BAZ2B: variants seen among roughly 807,000 people sequenced by gnomAD.
The protein encoded by BAZ2B is bromodomain adjacent to zinc finger domain protein 2B.
Under a neutral mutation model 246.0 loss-of-function variants are expected in BAZ2B, and 91 were observed. That is an observed-to-expected ratio of 0.37 (90% confidence interval 0.31 to 0.44). BAZ2B has a LOEUF of 0.44. Ranked by LOEUF, BAZ2B falls within the 20% of genes least tolerant of loss-of-function variation. BAZ2B has a pLI of 1.00. For synonymous variants in BAZ2B, 855 were observed against 860.0 expected (o/e 0.99, Z 0.10); for missense variants, 2,332 against 2,533.7 (o/e 0.92, Z 1.71).
chr2:159,374,977 A>T (rs1394402573), intron 25 of BAZ2B, among the ~76,000 whole-genome samples: 2 of 152,192 alleles, frequency 1.3e-5, no homozygotes, highest in Non-Finnish European at 1.5e-5. Flanking sequence ...GCACTTTAGG[A>T]TGCTGAGGTG....
chr2:159,338,483 C>G (rs980572294), intron 31 of BAZ2B, among the ~76,000 whole-genome samples: 9 of 152,176 alleles, frequency 5.9e-5, no homozygotes, highest in African/African-American at 1.4e-4. Flanking sequence ...TGCTTTTACT[C>G]ATTTATCTCC....
the BAZ2B span, chr2:159,711,852 G>A: frequency 1.3e-5 from 2 of 151,994 alleles, no homozygotes; most frequent in Admixed American, 1.3e-4. Flanking sequence ...AAAATCGATG[G>A]CTACGCTATT....
At chr2:159,324,542 A>C (rs1359016755) in intron 36 of BAZ2B, among the ~76,000 whole-genome samples, 1 of 151,728 alleles carries the variant, frequency 6.6e-6, no homozygotes, top group Non-Finnish European at 1.5e-5. Context: ...TTTCAATGTC[A>C]AAAGCAGGTT....
At chr2:159,457,169 C>T (rs1559491557) in intron 3 of BAZ2B, among the ~76,000 whole-genome samples, 2 of 152,092 alleles carry the variant, frequency 1.3e-5, no homozygotes, top group Non-Finnish European at 2.9e-5. Context: ...TATTAAACAT[C>T]AGGTGCTATG....
chr2:159,510,775 A>AT (rs1323843806), intron 2 of BAZ2B, among the ~76,000 whole-genome samples: 3 of 152,196 alleles, frequency 2.0e-5, no homozygotes, highest in Admixed American at 6.5e-5. Context: ...GTGCTTGAAG[A>AT]TACTGTTCTA....
chr2:159,592,903 G>C (rs1689730357), intron 1 of BAZ2B, among the ~76,000 whole-genome samples: 1 of 152,164 alleles, frequency 6.6e-6, no homozygotes, highest in Non-Finnish European at 1.5e-5. Context: ...TTACTAAACA[G>C]AATTAGATAA....
the BAZ2B span, among the ~76,000 whole-genome samples, chr2:159,686,139 G>A: frequency 6.6e-6 from 1 of 152,004 alleles, no homozygotes; most frequent in African/African-American, 2.4e-5. Context: ...AGTGGCATGT[G>A]CCTGTAGTCC....
chr2:159,553,029 G>A (rs2088520122), intron 2 of BAZ2B, among the ~76,000 whole-genome samples: 1 of 152,184 alleles, frequency 6.6e-6, no homozygotes, highest in African/African-American at 2.4e-5. Context: ...GAGCCAAAAT[G>A]TGTATCCAAG....
At chr2:159,464,750 A>C (rs965280934) in intron 3 of BAZ2B, 1 of 152,192 alleles carries the variant, frequency 6.6e-6, no homozygotes, top group African/African-American at 2.4e-5. Flanking sequence ...TTCTGTGATA[A>C]TTTTTGTTGG....
intron 1 of BAZ2B, among the ~76,000 whole-genome samples, chr2:159,580,747 C>T (rs947103143): frequency 1.3e-5 from 2 of 152,060 alleles, no homozygotes; most frequent in African/African-American, 4.8e-5. Flanking sequence ...GAACAGAGGC[C>T]TCAGAAATAA....
intron 21 of BAZ2B, among the ~76,000 whole-genome samples, chr2:159,387,346 C>T (rs1417681147): frequency 6.6e-6 from 1 of 152,054 alleles, no homozygotes; most frequent in African/African-American, 2.4e-5. Context: ...CAGTTGTCAT[C>T]AACATTTTAA....
At chr2:159,707,192 A>C in the BAZ2B span, among the ~76,000 whole-genome samples, 1 of 152,176 alleles carries the variant, frequency 6.6e-6, no homozygotes. Context: ...ATTATGTAAA[A>C]TAACAGGTAG....
the BAZ2B span, among the ~76,000 whole-genome samples, chr2:159,644,338 C>A: frequency 1.3e-5 from 2 of 152,196 alleles, no homozygotes; most frequent in Non-Finnish European, 2.9e-5. Context: ...AAAAACTTCA[C>A]TAGATCTTAA....
intron 1 of BAZ2B, among the ~76,000 whole-genome samples, chr2:159,614,185 A>G (rs1695331946): frequency 6.6e-6 from 1 of 152,208 alleles, no homozygotes; most frequent in African/African-American, 2.4e-5. Context: ...TAGTCAGTGT[A>G]TCATTAAGCT....
intron 2 of BAZ2B, among the ~76,000 whole-genome samples, chr2:159,507,303 C>T (rs1372767142): frequency 6.6e-6 from 1 of 151,864 alleles, no homozygotes; most frequent in Non-Finnish European, 1.5e-5. Flanking sequence ...GTTTATTAGG[C>T]AACAGATCAA....
At chr2:159,623,508 A>G in the BAZ2B span, among the ~76,000 whole-genome samples, 1 of 152,192 alleles carries the variant, frequency 6.6e-6, no homozygotes, top group Admixed American at 6.5e-5. Context: ...AATTGCGGAG[A>G]TACTGTTTCT....
At position 159,565,161 on chromosome 2, in the gene BAZ2B, A is replaced by G. The variant is rs148931701; in HGVS notation, c.-45-9296T>C. 1.6e-3 allele frequency among the ~76,000 whole-genome samples: 250 copies of G among 152,138 alleles called. 2 individuals carry two copies. The highest frequency in any genetic ancestry group is 5.5e-3 in the African/African-American group (227 of 41,540). ...GCTGGGATTACAGGCGTGAGCCACC[A>G]TGCCGGCCTCAAGACAAATTTCACT... is the stretch of plus-strand genomic sequence containing the variant. On this transcript the variant is annotated intron_variant, in intron 1 of 36. Coordinates refer to ENST00000392783, the MANE Select transcript of BAZ2B (RefSeq NM_013450.4).
In BAZ2B at chr2:159,348,807, T is replaced by A. The variant is rs1390741061; in HGVS notation, c.5164A>T (p.Ile1722Phe). 1.2e-6 allele frequency: 2 copies of A among 1,606,572 alleles called. No individual in the cohort carries two copies. The highest frequency in any genetic ancestry group is 1.7e-6 in the Non-Finnish European group (2 of 1,178,308). ...EEMQFGWWRI[I>F]DPEDLKALLK... ...AAAGCTTTTAGGTCCTCTGGGTCAA[T>A]AATTCTCCACCAACCAAACTGCATT... is the stretch of plus-strand genomic sequence containing the variant. Residue 1722 changes from isoleucine to phenylalanine, a missense_variant, in exon 30 of 37, where the codon ATT (isoleucine) becomes TTT (phenylalanine). Transcript: ENST00000392783.
chr2:159,519,205 A>ATTTTGTT (rs2083771094), intron 2 of BAZ2B, among the ~76,000 whole-genome samples: 1 of 56,492 alleles, frequency 1.8e-5, no homozygotes, highest in Non-Finnish European at 3.6e-5. Context: ...TTCATATTCT[A>ATTTTGTT]TTTTCTTTTT....
Sources: gnomAD v4.1 joint callset for allele counts (sites outside exome capture counted in the v4.1 genomes callset) on GRCh38, gnomAD v4.1.1 for gene constraint, MANE v1.5 for transcripts, NCBI Gene and HGNC (gene_info 2026-07-23, HGNC 2026-07-21) for gene names.